Variants in DOCK10 observed in about 807,000 individuals in gnomAD.
The protein encoded by DOCK10 is dedicator of cytokinesis protein 10.
In DOCK10, 145 loss-of-function variants were observed where a neutral mutation model predicts 280.1. The ratio of observed to expected loss-of-function variants is 0.52; its 90% CI spans 0.45 to 0.59. The LOEUF (loss-of-function observed/expected upper bound fraction) is 0.59. Among genes scored for constraint, DOCK10 ranks in the 20% least tolerant of loss-of-function variants. The probability of loss-of-function intolerance (pLI) is 0.00; values close to 1 mark genes in which losing one functional copy is unlikely to be tolerated. For synonymous variants in DOCK10, 915 were observed against 942.2 expected (o/e 0.97, Z 0.53); for missense variants, 2,368 against 2,651.7 (o/e 0.89, Z 2.35).
intron 29 of DOCK10, among the ~76,000 whole-genome samples, chr2:224,818,100 T>C (rs910924216): frequency 2.0e-5 from 3 of 152,090 alleles, no homozygotes; most frequent in Non-Finnish European, 4.4e-5. Context: ...ATGGCTTCAG[T>C]TGATTCATTT....
chr2:225,003,172 G>A (rs1012921433), intron 1 of DOCK10, among the ~76,000 whole-genome samples: 20 of 152,042 alleles, frequency 1.3e-4, no homozygotes, highest in African/African-American at 4.6e-4. Flanking sequence ...TCAGCCTCCC[G>A]AGTAGCTGGG....
chr2:224,961,412 C>CTCTTTCTCTTTCTTTCTTTCTTTCTT (rs1553623606), intron 1 of DOCK10, among the ~76,000 whole-genome samples: 18 of 119,460 alleles, frequency 1.5e-4, no homozygotes, highest in African/African-American at 6.0e-4. Context: ...TTCTTTCTTT[C>CTCTTTCTCTTTCTTTCTTTCTTTCTT]TCTTTCTTTC....
At chr2:225,006,688 C>A (rs1447664676) in intron 1 of DOCK10, among the ~76,000 whole-genome samples, 1 of 152,174 alleles carries the variant, frequency 6.6e-6, no homozygotes, top group Non-Finnish European at 1.5e-5. Flanking sequence ...TGGTTTCAAT[C>A]TATGTTTGGA....
At position 224,794,998 on chromosome 2, in the gene DOCK10, C is replaced by T. The variant is rs771360438; in HGVS notation, c.5035G>A (p.Glu1679Lys). ...CTGTACTGGAGATCCACCAGCATCT[C>T]GGGGTCCTTCTCGTGCTCCTTCATC... is the stretch of plus-strand genomic sequence containing the variant. ...AQMKEHEKDP[E>K]MLVDLQYSLA... Residue 1679 changes from glutamate (E) to lysine (K), a missense_variant, in exon 45 of 56, where the codon GAG (glutamate) becomes AAG (lysine). Physicochemically the swap from Glu to Lys is moderately conservative, Grantham distance 56. This residue lies in a region of DOCK10 where 1,159 missense variants were observed against 1,400.8 expected (regional missense o/e 0.83). Coordinates refer to ENST00000258390, the MANE Select transcript of DOCK10 (RefSeq NM_014689.3). The T allele has an allele frequency of 6.2e-6, 10 of 1,613,838 alleles. No individual in the cohort carries two copies. Among genetic ancestry groups the T allele is most frequent in the East Asian group, 2.2e-5 (1 of 44,894 alleles).
chr2:224,851,718 C>T (rs1348514319), intron 18 of DOCK10, among the ~76,000 whole-genome samples: 1 of 152,100 alleles, frequency 6.6e-6, no homozygotes, highest in Admixed American at 6.5e-5. Context: ...TAATTTCCCC[C>T]TCATTTTTTA....
intron 25 of DOCK10, among the ~76,000 whole-genome samples, chr2:224,837,313 G>A (rs1407249627): frequency 1.3e-5 from 2 of 152,212 alleles, no homozygotes; most frequent in Admixed American, 1.3e-4. Flanking sequence ...TAACATACCA[G>A]AAGCAGGTAC....
chr2:224,847,019 CA>C (rs1446899516), intron 19 of DOCK10, among the ~76,000 whole-genome samples: 1 of 152,170 alleles, frequency 6.6e-6, no homozygotes, highest in Non-Finnish European at 1.5e-5. Context: ...TTAAAACTAA[CA>C]AACATATCTG....
rs751781489 is a variant in DOCK10, at chr2:224,845,594, A to G, written c.2284T>C (p.Phe762Leu). 2 of 1,613,386 alleles carry G rather than the reference A, an allele frequency of 1.2e-6. No individual in the cohort carries two copies. ...TCACAGGTGACGTGATAAAAAGAAAACAAAATATGGTGTTTCTCATGGAGT... is the reference window on the plus strand; with the variant it reads ...TCACAGGTGACGTGATAAAAAGAAAGCAAAATATGGTGTTTCTCATGGAGT... ...TQLHEKHHIL[F>L]SFYHVTCDIN... The change falls in exon 20 of 56, where the codon TTT becomes CTT. Residue 762 changes from phenylalanine (F) to leucine (L), a missense_variant. Physicochemically the swap from Phe to Leu is conservative, Grantham distance 22. Transcript: ENST00000258390.
chr2:224,956,580 C>T (rs1295176760), intron 1 of DOCK10, among the ~76,000 whole-genome samples: 4 of 140,986 alleles, frequency 2.8e-5, no homozygotes, highest in Non-Finnish European at 4.5e-5. Flanking sequence ...GCCGAGATTG[C>T]ACCACTGCGC....
intron 11 of DOCK10, among the ~76,000 whole-genome samples, chr2:224,866,492 T>C (rs779967768): frequency 1.3e-5 from 2 of 152,178 alleles, no homozygotes; most frequent in Non-Finnish European, 1.5e-5. Context: ...GGCAATTGAT[T>C]TGTATTTGTG....
Position 224,830,620 on chromosome 2 carries a change from GA to G in DOCK10, c.2965-9del, listed in dbSNP as rs747118983. Reference sequence around the variant, plus strand: ...AAAGAAGAACCAGGAATGCTGTTGGGAAAAAAAAGGCAACGAGACATTTATT... The same window carrying G: ...AAAGAAGAACCAGGAATGCTGTTGGGAAAAAAAGGCAACGAGACATTTATT... On this transcript the variant is annotated splice_polypyrimidine_tract_variant and intron_variant, in intron 26 of 55. Coordinates refer to ENST00000258390, the MANE Select transcript of DOCK10 (RefSeq NM_014689.3). 1.1e-4 allele frequency: 161 copies of G among 1,412,802 alleles called. No homozygotes were observed. Among genetic ancestry groups the G allele is most frequent in the South Asian group, 4.0e-4 (27 of 67,672 alleles). The allele number at this position is 1,412,802 out of a possible 1,614,324, so 87.5% of individuals were successfully genotyped here.
At chr2:224,968,325 C>G (rs1199744737) in intron 1 of DOCK10, among the ~76,000 whole-genome samples, 1 of 152,156 alleles carries the variant, frequency 6.6e-6, no homozygotes, top group East Asian at 1.9e-4. Flanking sequence ...ATTCATAAAA[C>G]CACAGGAAAT....
At chr2:224,821,529 TTTTC>T (rs1335463761) in intron 28 of DOCK10, among the ~76,000 whole-genome samples, 2 of 152,216 alleles carry the variant, frequency 1.3e-5, no homozygotes, top group African/African-American at 4.8e-5. Context: ...CCTTTCTTTT[TTTTC>T]TCTCCTAGCT....
At chr2:224,994,707 G>C (rs1327795672) in intron 1 of DOCK10, among the ~76,000 whole-genome samples, 1 of 152,084 alleles carries the variant, frequency 6.6e-6, no homozygotes, top group Non-Finnish European at 1.5e-5. Context: ...CTGTTTCAGG[G>C]TATATAATAT....
intron 1 of DOCK10, chr2:224,982,168 G>C: frequency 1.6e-6 from 2 of 1,221,260 alleles, no homozygotes; most frequent in Non-Finnish European, 2.0e-6. Flanking sequence ...TATAATAACA[G>C]TTCAATCCAC....
intron 41 of DOCK10, among the ~76,000 whole-genome samples, chr2:224,798,203 G>A (rs992649663): frequency 6.6e-6 from 1 of 152,134 alleles, no homozygotes. Context: ...AGTTGCTTTG[G>A]GGGTAGGATT....
At chr2:225,026,649 G>A (rs574927900) in intron 1 of DOCK10, among the ~76,000 whole-genome samples, 8 of 152,282 alleles carry the variant, frequency 5.3e-5, no homozygotes, top group African/African-American at 1.4e-4. Context: ...GCAAGAAACT[G>A]TGTTAGATCT....
At chr2:225,004,741 T>A (rs1238243881) in intron 1 of DOCK10, among the ~76,000 whole-genome samples, 1 of 152,140 alleles carries the variant, frequency 6.6e-6, no homozygotes, top group Non-Finnish European at 1.5e-5. Flanking sequence ...ATGTGAAGAG[T>A]GTGCTGATGC....
At chr2:224,910,224 C>T (rs894202642) in intron 3 of DOCK10, among the ~76,000 whole-genome samples, 1 of 152,188 alleles carries the variant, frequency 6.6e-6, no homozygotes, top group Non-Finnish European at 1.5e-5. Context: ...CTACAAACGT[C>T]AATGAATTCA....
Sources: gnomAD v4.1 joint callset for allele counts (sites outside exome capture counted in the v4.1 genomes callset) on GRCh38, gnomAD v4.1.1 for gene constraint, gnomAD v4.1.1 regional missense constraint, MANE v1.5 for transcripts, NCBI Gene and HGNC (gene_info 2026-07-23, HGNC 2026-07-21) for gene names.